The following MARCHF8 variants were observed in gnomAD, a reference collection of about 807,000 sequenced individuals.
The protein encoded by MARCHF8 is membrane associated ring-CH-type finger 8, also known as E3 ubiquitin-protein ligase MARCHF8.
In MARCHF8, 40 loss-of-function variants were observed where a neutral mutation model predicts 51.6. The observed-to-expected ratio is 0.77, with a 90% CI of 0.60 to 1.01. The LOEUF (loss-of-function observed/expected upper bound fraction) is 1.01. Ranked by LOEUF, MARCHF8 falls within the 50% of genes least tolerant of loss-of-function variation. MARCHF8 has a pLI of 0.00. For missense variants in MARCHF8, 685 were observed against 708.6 expected, an observed-to-expected ratio of 0.97 and a Z score of 0.38; for synonymous variants, 263 against 280.3, an observed-to-expected ratio of 0.94 and a Z score of 0.62.
chr10:45,478,044 T>C (rs1343948837), intron 3 of MARCHF8, among the ~76,000 whole-genome samples: 1 of 152,202 alleles, frequency 6.6e-6, no homozygotes, highest in Non-Finnish European at 1.5e-5. Flanking sequence ...ACATTTAAAC[T>C]GCACGTTAGG....
chr10:45,468,290 G>A (rs543884572), intron 3 of MARCHF8, among the ~76,000 whole-genome samples: 8 of 152,128 alleles, frequency 5.3e-5, no homozygotes, highest in East Asian at 1.9e-4. Flanking sequence ...GCCTGCTGTC[G>A]CTGGAGCAGC....
chr10:45,585,282 G>A (rs1259259629), intron 1 of MARCHF8, among the ~76,000 whole-genome samples: 1 of 152,066 alleles, frequency 6.6e-6, no homozygotes, highest in Non-Finnish European at 1.5e-5. Flanking sequence ...AAAAAGACAT[G>A]CACAATGTTC....
At chr10:45,481,935 T>C (rs1347769171) in intron 3 of MARCHF8, among the ~76,000 whole-genome samples, 1 of 152,176 alleles carries the variant, frequency 6.6e-6, no homozygotes, top group Non-Finnish European at 1.5e-5. Flanking sequence ...AAAGGCTCCA[T>C]TAGAAAACTT....
chr10:45,512,054 C>A (rs1332023429), intron 2 of MARCHF8, among the ~76,000 whole-genome samples: 1 of 151,404 alleles, frequency 6.6e-6, no homozygotes, highest in East Asian at 2.0e-4. Flanking sequence ...AGCGTCTCTG[C>A]CCGGCCGCCC....
At position 45,463,717 on chromosome 10, in the gene MARCHF8, A is replaced by G. The variant is rs1044681922; in HGVS notation, c.522T>C (p.Tyr174=). 6.4e-6 allele frequency: 10 copies of G among 1,551,010 alleles called. No homozygotes were observed. The highest frequency in any genetic ancestry group is 2.4e-5 in the South Asian group (2 of 84,068). The change falls in exon 5 of 8, where the codon TAT becomes TAC. Residue 174 remains tyrosine (Y), a synonymous_variant. Coordinates refer to ENST00000453424, the MANE Select transcript of MARCHF8 (RefSeq NM_001282866.2). ...TCCCTTCAGAACAAGTTCTTTCCACATAGGCAAAACTTTCTGAAGTATCCT... is the reference window on the plus strand; with the variant it reads ...TCCCTTCAGAACAAGTTCTTTCCACGTAGGCAAAACTTTCTGAAGTATCCT... ...KAQDTSESFA[Y]VERTCSEGKL...
chr10:45,592,887 A>G (rs770250921), intron 1 of MARCHF8, among the ~76,000 whole-genome samples: 3 of 152,222 alleles, frequency 2.0e-5, no homozygotes, highest in African/African-American at 7.2e-5. Context: ...GCTCCCACGT[A>G]ATATTTATAG....
At chr10:45,519,154 T>C (rs1441206457) in intron 2 of MARCHF8, among the ~76,000 whole-genome samples, 5 of 152,226 alleles carry the variant, frequency 3.3e-5, no homozygotes, top group African/African-American at 7.2e-5. Context: ...TCGTAAAGGA[T>C]TGAATATATC....
intron 1 of MARCHF8, among the ~76,000 whole-genome samples, chr10:45,553,881 G>GA (rs1236571116): frequency 9.2e-5 from 14 of 151,688 alleles, no homozygotes; most frequent in African/African-American, 2.7e-4. Context: ...TGGAATGCAG[G>GA]AAAAAAAATA....
intron 1 of MARCHF8, among the ~76,000 whole-genome samples, chr10:45,571,118 A>C (rs1336423632): frequency 2.6e-5 from 4 of 152,244 alleles, no homozygotes; most frequent in Non-Finnish European, 5.9e-5. Context: ...ATGAAAATTC[A>C]AAAGACCTAG....
chr10:45,538,615 G>C (rs2044007595), upstream of MARCHF8, among the ~76,000 whole-genome samples: 2 of 152,164 alleles, frequency 1.3e-5, no homozygotes, highest in Admixed American at 1.3e-4. Flanking sequence ...TAAAGGGATG[G>C]AGGAAGATCT....
chr10:45,528,434 T>C (rs560045538), intron 2 of MARCHF8, among the ~76,000 whole-genome samples: 1 of 152,160 alleles, frequency 6.6e-6, no homozygotes, highest in African/African-American at 2.4e-5. Context: ...ACAAAATCAG[T>C]AGTATTTCTT....
At chr10:45,557,421 G>C (rs1197952132) in intron 1 of MARCHF8, among the ~76,000 whole-genome samples, 1 of 151,958 alleles carries the variant, frequency 6.6e-6, no homozygotes, top group Non-Finnish European at 1.5e-5. Context: ...GAGACACCAC[G>C]CCTGGCCCAA....
chr10:45,570,002 A>G (rs2044411708), intron 1 of MARCHF8, among the ~76,000 whole-genome samples: 1 of 152,192 alleles, frequency 6.6e-6, no homozygotes, highest in African/African-American at 2.4e-5. Flanking sequence ...AACTGACACA[A>G]GATAAAACTT....
chr10:45,591,172 G>C (rs1057475837), intron 1 of MARCHF8, among the ~76,000 whole-genome samples: 1 of 152,084 alleles, frequency 6.6e-6, no homozygotes, highest in Non-Finnish European at 1.5e-5. Context: ...CTCTCTTTTC[G>C]GACTCAGTCT....
intron 2 of MARCHF8, among the ~76,000 whole-genome samples, chr10:45,517,485 T>C (rs913187825): frequency 1.3e-5 from 2 of 152,086 alleles, no homozygotes; most frequent in African/African-American, 4.8e-5. Context: ...TCTCAGAAGA[T>C]CTGGTCATTT....
chr10:45,560,788 G>A (rs540647174), intron 1 of MARCHF8, among the ~76,000 whole-genome samples: 1 of 152,328 alleles, frequency 6.6e-6, no homozygotes, highest in South Asian at 2.1e-4. Context: ...AAGTGTAGCT[G>A]CTCCCTAGAA....
intron 1 of MARCHF8, among the ~76,000 whole-genome samples, chr10:45,590,265 A>C (rs4537716): frequency 0.019 from 2,921 of 152,282 alleles, 70 homozygotes; most frequent in Admixed American, 0.059. Flanking sequence ...GTCTTATCTG[A>C]AGAACTGCCT....
At chr10:45,543,802 A>AC (rs1402144513) in intron 1 of MARCHF8, among the ~76,000 whole-genome samples, 1 of 150,694 alleles carries the variant, frequency 6.6e-6, no homozygotes, top group Non-Finnish European at 1.5e-5. Context: ...CGTCTCAAAA[A>AC]AAAAAAAAAA....
At chr10:45,519,412 G>C (rs2043671278) in intron 2 of MARCHF8, among the ~76,000 whole-genome samples, 1 of 151,364 alleles carries the variant, frequency 6.6e-6, no homozygotes, top group South Asian at 2.1e-4. Flanking sequence ...GAAGGTTTGG[G>C]AAGTCAGTAA....
Sources: gnomAD v4.1 joint callset for allele counts (sites outside exome capture counted in the v4.1 genomes callset) on GRCh38, gnomAD v4.1.1 for gene constraint, MANE v1.5 for transcripts, NCBI Gene and HGNC (gene_info 2026-07-23, HGNC 2026-07-21) for gene names.